HERC3: variants seen among roughly 807,000 people sequenced by gnomAD.
HERC3 encodes HECT and RLD domain containing E3 ubiquitin protein ligase 3, also known as probable E3 ubiquitin-protein ligase HERC3.
HERC3 carries 58 observed loss-of-function variants against 129.9 expected under a neutral mutation model. That is an observed-to-expected ratio of 0.45 (90% CI 0.36 to 0.56). The LOEUF (loss-of-function observed/expected upper bound fraction) is 0.56, where lower values mean the gene tolerates loss of function less well. HERC3 is among the 20% of genes least tolerant of loss of function. The pLI is 0.00. For missense variants in HERC3, 835 were observed against 1,244.2 expected, an observed-to-expected ratio of 0.67 and a Z score of 4.95; for synonymous variants, 430 against 451.0, an observed-to-expected ratio of 0.95 and a Z score of 0.59.
At chr4:88,626,200 C>T (rs938085906) in intron 3 of HERC3, among the ~76,000 whole-genome samples, 4 of 151,774 alleles carry the variant, frequency 2.6e-5, no homozygotes, top group South Asian at 2.1e-4. Context: ...TTCTTTCTTT[C>T]TTTCCTTTTC....
intron 8 of HERC3, 106 bp downstream of exon 8, chr4:88,655,410 G>C: frequency 1.6e-6 from 2 of 1,277,524 alleles, no homozygotes; most frequent in Non-Finnish European, 2.2e-6. Flanking sequence ...CATTTTAAGA[G>C]ATCTTAACTG....
chr4:88,577,605 G>GTATATATATATATATATATATATATATA, the HERC3 span, among the ~76,000 whole-genome samples: 289 of 131,814 alleles, frequency 2.2e-3, 3 homozygotes, highest in South Asian at 3.5e-3. Context: ...GTATGTGTGT[G>GTATATATATATATATATATATATATATA]TATATATATA....
the HERC3 span, among the ~76,000 whole-genome samples, chr4:88,577,605 G>GTGTATATATATATATATATATATATATA: frequency 2.3e-5 from 3 of 131,864 alleles, no homozygotes; most frequent in South Asian, 2.2e-4. Flanking sequence ...GTATGTGTGT[G>GTGTATATATATATATATATATATATATA]TATATATATA....
At chr4:88,589,281 C>T (rs1252795809), upstream of HERC3, among the ~76,000 whole-genome samples, 1 of 152,168 alleles carries the variant, frequency 6.6e-6, no homozygotes, top group East Asian at 1.9e-4. Flanking sequence ...CAGGGACTCA[C>T]TATGTTGCAC....
chr4:88,589,913 C>G (rs921382708), upstream of HERC3, among the ~76,000 whole-genome samples: 17 of 152,156 alleles, frequency 1.1e-4, no homozygotes, highest in Non-Finnish European at 2.4e-4. Context: ...TGCTCCTATC[C>G]CATTTCTAGG....
the HERC3 span, among the ~76,000 whole-genome samples, chr4:88,574,516 AC>A: frequency 6.6e-6 from 1 of 152,210 alleles, no homozygotes; most frequent in African/African-American, 2.4e-5. Flanking sequence ...AACCATCACC[AC>A]CATCCATCTC....
intron 3 of HERC3, among the ~76,000 whole-genome samples, chr4:88,643,591 T>C (rs1728369020): frequency 6.6e-6 from 1 of 152,234 alleles, no homozygotes; most frequent in Non-Finnish European, 1.5e-5. Flanking sequence ...CAAATGTGGT[T>C]AATTGACTTT....
At chr4:88,570,530 T>C in the HERC3 span, among the ~76,000 whole-genome samples, 7 of 152,198 alleles carry the variant, frequency 4.6e-5, no homozygotes, top group Non-Finnish European at 7.3e-5. Flanking sequence ...CAGATTGTGG[T>C]TAATTGTTTC....
chr4:88,555,101 T>C, the HERC3 span, among the ~76,000 whole-genome samples: 1 of 152,004 alleles, frequency 6.6e-6, no homozygotes, highest in African/African-American at 2.4e-5. Context: ...CTGGCCAACA[T>C]GGTGAAACCC....
rs190565385 is a variant in HERC3, at chr4:88,636,996, G to A, written c.227-12844G>A. 1.5e-3 allele frequency among the ~76,000 whole-genome samples: 231 copies of A among 152,292 alleles called. 4 individuals are homozygous for A. Among genetic ancestry groups the A allele is most frequent in the Admixed American group, 0.012 (188 of 15,306 alleles). On this transcript the variant is annotated intron_variant, in intron 3 of 25. Transcript: ENST00000402738. ...ATACAAAAATTAGCCAGGTGTGGCA[G>A]TGTGCGCCTGTAGTCCCAGCTACTC...
At chr4:88,649,742 T>TA in intron 3 of HERC3, 98 bp from the exon 4 acceptor site, 4 of 988,502 alleles carry the variant, frequency 4.0e-6, no homozygotes, top group Non-Finnish European at 1.5e-6. Flanking sequence ...TGGTTCTTGT[T>TA]AAAAAATAAA....
chr4:88,688,681 G>A (rs1177236145), intron 23 of HERC3, among the ~76,000 whole-genome samples: 1 of 152,132 alleles, frequency 6.6e-6, no homozygotes, highest in Non-Finnish European at 1.5e-5. Flanking sequence ...TGTGTTTAGA[G>A]CAGAAAATTT....
intron 25 of HERC3, among the ~76,000 whole-genome samples, chr4:88,705,551 A>C (rs560398723): frequency 3.5e-4 from 54 of 152,332 alleles, no homozygotes; most frequent in Non-Finnish European, 6.8e-4. Flanking sequence ...TGCAAATTGA[A>C]TCATATAATA....
chr4:88,647,669 A>G (rs190693357), intron 3 of HERC3, among the ~76,000 whole-genome samples: 2 of 152,240 alleles, frequency 1.3e-5, no homozygotes, highest in African/African-American at 4.8e-5. Context: ...TTTCTCTGGC[A>G]TGAGCATATT....
Position 88,678,017 on chromosome 4 carries a change from G to A in HERC3, c.2079G>A (p.Glu693=), listed in dbSNP as rs773093482. Residue 693 remains glutamate, a synonymous_variant, in exon 19 of 26, where the codon GAG becomes GAA. Transcript: ENST00000402738. The part of the protein sequence containing the change: ...LQNVFMLLTL[E]PLLARSPFLV... ...ATGTCTTCATGCTTCTCACCCTGGA[G>A]CCTCTGCTGGCCAGAAGCCCCTTCC... 5 of 1,613,832 alleles carry A rather than the reference G, an allele frequency of 3.1e-6. No individual in the cohort carries two copies. The East Asian group carries it at 8.9e-5, about 29-fold the overall frequency.
the HERC3 span, among the ~76,000 whole-genome samples, chr4:88,582,187 T>C: frequency 6.6e-6 from 1 of 152,176 alleles, no homozygotes; most frequent in African/African-American, 2.4e-5. Flanking sequence ...CTAAAATGAA[T>C]AGTTTTCATT....
At chr4:88,652,331 G>T (rs1190857341) in intron 5 of HERC3, among the ~76,000 whole-genome samples, 1 of 152,162 alleles carries the variant, frequency 6.6e-6, no homozygotes, top group East Asian at 1.9e-4. Context: ...TAAGCAGGGG[G>T]CAGGACCATA....
At chr4:88,545,281 A>T in the HERC3 span, among the ~76,000 whole-genome samples, 39,767 of 151,838 alleles carry the variant, frequency 0.26, 9,071 homozygotes, top group African/African-American at 0.62. Context: ...TAAAAATAAC[A>T]TTTTTTTCTA....
At chr4:88,617,167 C>T (rs1294450000) in intron 3 of HERC3, among the ~76,000 whole-genome samples, 1 of 138,268 alleles carries the variant, frequency 7.2e-6, no homozygotes, top group African/African-American at 2.8e-5. Context: ...ATAGTAAGAC[C>T]CTGTCTCCAA....
Sources: allele counts gnomAD v4.1 joint callset (sites outside exome capture counted in the v4.1 genomes callset), GRCh38; gene constraint gnomAD v4.1.1; transcripts MANE v1.5; gene names NCBI Gene and HGNC (gene_info 2026-07-23, HGNC 2026-07-21).